The following NRG3 variants were observed in gnomAD, a reference collection of about 807,000 sequenced individuals.
NRG3 encodes the protein pro-neuregulin-3, membrane-bound isoform.
A neutral mutation model predicts 66.9 loss-of-function variants in NRG3; 31 were observed. The observed-to-expected ratio is 0.46, with a 90% CI of 0.35 to 0.63. The LOEUF (loss-of-function observed/expected upper bound fraction) is 0.63. Ranked by LOEUF, NRG3 falls within the 20% of genes least tolerant of loss-of-function variation. The pLI is 0.00. For missense variants in NRG3, 910 were observed against 878.9 expected (o/e 1.04, Z -0.45); for synonymous variants, 393 against 359.4 (o/e 1.09, Z -1.06).
chr10:82,883,279 G>A (rs1476909243), intron 4 of NRG3, among the ~76,000 whole-genome samples: 8 of 151,914 alleles, frequency 5.3e-5, no homozygotes, highest in Non-Finnish European at 1.0e-4. Context: ...TCTTATTTCT[G>A]TGAATAAATG....
chr10:82,215,761 T>C (rs141328811), intron 1 of NRG3, among the ~76,000 whole-genome samples: 2,262 of 152,240 alleles, frequency 0.015, 61 homozygotes, highest in African/African-American at 0.052. Context: ...TTGATATTTC[T>C]GATATTCTAT....
intron 7 of NRG3, among the ~76,000 whole-genome samples, chr10:82,976,682 C>G (rs937818402): frequency 2.6e-5 from 4 of 152,176 alleles, no homozygotes; most frequent in African/African-American, 9.7e-5. Flanking sequence ...GCTGCAGGCT[C>G]TTATGTCCTC....
intron 1 of NRG3, among the ~76,000 whole-genome samples, chr10:81,890,618 T>G (rs901467090): frequency 6.6e-6 from 1 of 152,234 alleles, no homozygotes; most frequent in African/African-American, 2.4e-5. Context: ...CCACAGTGTA[T>G]TCCTACCATT....
intron 2 of NRG3, among the ~76,000 whole-genome samples, chr10:82,650,271 T>G (rs981131512): frequency 6.6e-6 from 1 of 152,186 alleles, no homozygotes; most frequent in African/African-American, 2.4e-5. Flanking sequence ...ACAGCAACCT[T>G]AAGAATTTTC....
At chr10:82,690,239 T>A (rs1002621614) in intron 2 of NRG3, among the ~76,000 whole-genome samples, 4 of 151,718 alleles carry the variant, frequency 2.6e-5, no homozygotes, top group Non-Finnish European at 2.9e-5. Context: ...AAATTTAAAT[T>A]TCAATAGAGT....
At chr10:82,535,758 T>C (rs778063368) in intron 2 of NRG3, among the ~76,000 whole-genome samples, 8 of 152,194 alleles carry the variant, frequency 5.3e-5, no homozygotes, top group Non-Finnish European at 8.8e-5. Context: ...AGTGGAATTA[T>C]TTATATTTCA....
At chr10:82,081,897 A>G (rs2065419239) in intron 1 of NRG3, among the ~76,000 whole-genome samples, 1 of 152,132 alleles carries the variant, frequency 6.6e-6, no homozygotes, top group African/African-American at 2.4e-5. Flanking sequence ...CCATGCACCT[A>G]TAGTCCCAAA....
At chr10:81,989,796 A>G (rs1338915593) in intron 1 of NRG3, among the ~76,000 whole-genome samples, 1 of 152,004 alleles carries the variant, frequency 6.6e-6, no homozygotes, top group East Asian at 1.9e-4. Flanking sequence ...CCAACAAGTT[A>G]TTGATGGCCT....
intron 3 of NRG3, among the ~76,000 whole-genome samples, chr10:82,857,815 G>C (rs1052173855): frequency 1.4e-4 from 21 of 152,272 alleles, no homozygotes; most frequent in Admixed American, 1.0e-3. Flanking sequence ...TAGTGACTTA[G>C]CGTAATTTCA....
intron 2 of NRG3, among the ~76,000 whole-genome samples, chr10:82,663,425 A>G (rs1479894122): frequency 6.6e-6 from 1 of 151,984 alleles, no homozygotes; most frequent in Non-Finnish European, 1.5e-5. Flanking sequence ...CTGTGAAGGG[A>G]TGTGAGGGAG....
intron 1 of NRG3, among the ~76,000 whole-genome samples, chr10:82,151,147 C>A (rs1156934492): frequency 6.6e-6 from 1 of 152,130 alleles, no homozygotes; most frequent in African/African-American, 2.4e-5. Context: ...TATAAAGGAA[C>A]AGAGGAACGG....
chr10:82,627,982 A>C (rs2049541816), intron 2 of NRG3, among the ~76,000 whole-genome samples: 1 of 152,138 alleles, frequency 6.6e-6, no homozygotes, highest in Non-Finnish European at 1.5e-5. Flanking sequence ...GGTGTGTGCT[A>C]CTATAGTGTC....
chr10:82,273,908 C>T (rs563238381), intron 1 of NRG3, among the ~76,000 whole-genome samples: 4 of 152,046 alleles, frequency 2.6e-5, no homozygotes, highest in South Asian at 2.1e-4. Context: ...GTGAGCCAGA[C>T]GAATCTTGAA....
intron 2 of NRG3, among the ~76,000 whole-genome samples, chr10:82,714,123 G>T (rs1163655068): frequency 6.6e-6 from 1 of 152,162 alleles, no homozygotes; most frequent in Non-Finnish European, 1.5e-5. Flanking sequence ...CAGTTAAAAT[G>T]ATATGTATTA....
intron 2 of NRG3, among the ~76,000 whole-genome samples, chr10:82,685,316 T>C (rs2054432116): frequency 6.6e-6 from 1 of 152,196 alleles, no homozygotes; most frequent in African/African-American, 2.4e-5. Context: ...CAAAATGCAC[T>C]GCAGTTGGAA....
intron 2 of NRG3, among the ~76,000 whole-genome samples, chr10:82,555,307 T>A (rs2044581605): frequency 3.3e-5 from 5 of 152,178 alleles, no homozygotes; most frequent in African/African-American, 1.2e-4. Context: ...CATTGTCCAG[T>A]TTCTCTATAT....
intron 1 of NRG3, among the ~76,000 whole-genome samples, chr10:82,094,941 A>G (rs1182723805): frequency 6.6e-6 from 1 of 152,166 alleles, no homozygotes; most frequent in Non-Finnish European, 1.5e-5. Flanking sequence ...AATGCACATT[A>G]TTTGGGGGAT....
intron 1 of NRG3, among the ~76,000 whole-genome samples, chr10:82,214,077 CAA>C (rs1441483335): frequency 6.6e-6 from 1 of 152,148 alleles, no homozygotes; most frequent in Non-Finnish European, 1.5e-5. Flanking sequence ...TCTGTTCTGA[CAA>C]AGTGTTTTTT....
chr10:82,895,259 C>T (rs2131830923), intron 4 of NRG3, among the ~76,000 whole-genome samples: 1 of 152,176 alleles, frequency 6.6e-6, no homozygotes, highest in African/African-American at 2.4e-5. Context: ...GGGGGTGTGT[C>T]ACTCATTTCA....
Sources: allele counts gnomAD v4.1 joint callset (sites outside exome capture counted in the v4.1 genomes callset), GRCh38; gene constraint gnomAD v4.1.1; transcripts MANE v1.5; gene names NCBI Gene and HGNC (gene_info 2026-07-23, HGNC 2026-07-21).